MAD1L1: variants seen among roughly 807,000 people sequenced by gnomAD.
MAD1L1 encodes the protein mitotic spindle assembly checkpoint protein MAD1.
In MAD1L1, 95 loss-of-function variants were observed where a neutral mutation model predicts 96.9. The ratio of observed to expected loss-of-function variants is 0.98; its 90% CI spans 0.83 to 1.16. MAD1L1 has a LOEUF of 1.16. Ranked by LOEUF, MAD1L1 falls within the 50% of genes most tolerant of loss-of-function variation. The pLI, the probability that MAD1L1 is intolerant of heterozygous loss-of-function variation, is 0.00. For missense variants in MAD1L1, 1,007 were observed against 954.4 expected, an observed-to-expected ratio of 1.06 and a Z score of -0.73; for synonymous variants, 473 against 396.6, an observed-to-expected ratio of 1.19 and a Z score of -2.29.
intron 12 of MAD1L1, among the ~76,000 whole-genome samples, chr7:2,032,482 A>G (rs1462552092): frequency 1.3e-5 from 2 of 152,210 alleles, no homozygotes; most frequent in African/African-American, 2.4e-5. Flanking sequence ...GTGCACATCC[A>G]TGGCCAGGGG....
chr7:2,078,438 T>C (rs1378842361), intron 11 of MAD1L1, among the ~76,000 whole-genome samples: 1 of 152,150 alleles, frequency 6.6e-6, no homozygotes, highest in Admixed American at 6.5e-5. Flanking sequence ...GAGGTCCCAG[T>C]TCCTCCCCTG....
Position 2,088,517 on chromosome 7 carries a change from C to CA in MAD1L1, c.1074-19180dup, listed in dbSNP as rs1319674404. On this transcript the variant is annotated intron_variant, in intron 11 of 18. Coordinates refer to ENST00000265854, the MANE Select transcript of MAD1L1 (RefSeq NM_001013836.2). The surrounding 1 kb of genome is among the most constrained non-coding windows in gnomAD (Gnocchi z 4.4). ...GCCCCAGCCTCGAGTGCCACCATGA[C>CA]AGCTCTGGAGCTGCCACTGCACGTG... Among the ~76,000 whole-genome samples, 1 of 152,232 alleles carries CA rather than the reference C, an allele frequency of 6.6e-6. No individual in the cohort carries two copies. Among genetic ancestry groups the CA allele is most frequent in the Non-Finnish European group, 1.5e-5 (1 of 68,044 alleles).
At chr7:1,827,413 T>G (rs868004339) in intron 18 of MAD1L1, among the ~76,000 whole-genome samples, 37 of 144,834 alleles carry the variant, frequency 2.6e-4, no homozygotes, top group Admixed American at 8.2e-4. Context: ...AGGTGTGGGG[T>G]CCTCCCCTCC....
chr7:2,226,744 C>A (rs1195328658), intron 3 of MAD1L1, among the ~76,000 whole-genome samples: 1 of 152,130 alleles, frequency 6.6e-6, no homozygotes, highest in Non-Finnish European at 1.5e-5. Context: ...AATCCCAGTA[C>A]TTTGAGAGGC....
intron 11 of MAD1L1, among the ~76,000 whole-genome samples, chr7:2,141,362 C>G (rs1291193311): frequency 6.6e-6 from 1 of 152,268 alleles, no homozygotes; most frequent in Non-Finnish European, 1.5e-5. Context: ...GCTGGACCCC[C>G]TCTCAGGAGA....
intron 11 of MAD1L1, among the ~76,000 whole-genome samples, chr7:2,080,417 T>C (rs1311914447): frequency 6.6e-6 from 1 of 152,202 alleles, no homozygotes; most frequent in Non-Finnish European, 1.5e-5. Context: ...GGCGACTGCA[T>C]GTCCCCCACA....
At chr7:1,889,060 C>T (rs1294024677) in intron 18 of MAD1L1, among the ~76,000 whole-genome samples, 1 of 152,224 alleles carries the variant, frequency 6.6e-6, no homozygotes, top group Non-Finnish European at 1.5e-5. Flanking sequence ...CCCCAACGTG[C>T]CTGGCACTTG....
At chr7:2,163,408 CT>C (rs1318509131) in intron 10 of MAD1L1, among the ~76,000 whole-genome samples, 1 of 152,316 alleles carries the variant, frequency 6.6e-6, no homozygotes. Context: ...GAGTCTCACT[CT>C]GTCGCCCAGG....
intron 11 of MAD1L1, among the ~76,000 whole-genome samples, chr7:2,113,882 A>AGAGGCGGG (rs1214520153): frequency 6.6e-6 from 1 of 152,222 alleles, no homozygotes; most frequent in African/African-American, 2.4e-5. Flanking sequence ...GTGCTCTCGA[A>AGAGGCGGG]GAGGCGGGGT....
intron 15 of MAD1L1, among the ~76,000 whole-genome samples, chr7:1,962,421 T>C (rs1396436513): frequency 2.6e-5 from 4 of 152,142 alleles, no homozygotes; most frequent in Non-Finnish European, 4.4e-5. Flanking sequence ...TGGACTAATA[T>C]CCAAAGGATC....
chr7:2,050,047 AGCGTCTGCGGGC>A, intron 12 of MAD1L1, among the ~76,000 whole-genome samples: 2 of 141,896 alleles, frequency 1.4e-5, no homozygotes, highest in Admixed American at 7.2e-5. Flanking sequence ...CACCTCACCC[AGCGTCTGCGGGC>A]ACCAGACCAC....
intron 9 of MAD1L1, among the ~76,000 whole-genome samples, chr7:2,215,325 C>A (rs891910172): frequency 2.3e-4 from 35 of 149,286 alleles, no homozygotes; most frequent in African/African-American, 8.7e-4. Flanking sequence ...TTGCAGTGAG[C>A]CGAGATCGCA....
intron 18 of MAD1L1, among the ~76,000 whole-genome samples, chr7:1,886,500 G>A (rs775183064): frequency 5.9e-5 from 9 of 152,216 alleles, no homozygotes; most frequent in African/African-American, 1.2e-4. Flanking sequence ...GCATGGGCTC[G>A]GTGACAAGAA....
intron 11 of MAD1L1, among the ~76,000 whole-genome samples, chr7:2,074,055 T>C (rs923216348): frequency 2.6e-5 from 4 of 152,032 alleles, no homozygotes; most frequent in Admixed American, 2.0e-4. Flanking sequence ...CCAAGAACCA[T>C]GTCCGGGATG....
chr7:2,016,764 T>C (rs1282334387), intron 12 of MAD1L1, among the ~76,000 whole-genome samples: 1 of 152,252 alleles, frequency 6.6e-6, no homozygotes, highest in African/African-American at 2.4e-5. Context: ...AAATTCAAAA[T>C]TCAATAAGTG....
chr7:2,162,232 G>C (rs201995671), intron 10 of MAD1L1, among the ~76,000 whole-genome samples: 3 of 152,026 alleles, frequency 2.0e-5, no homozygotes, highest in Non-Finnish European at 4.4e-5. Context: ...ACTCCATTTT[G>C]TTCTGTACTA....
chr7:2,089,942 A>C (rs117272286), intron 11 of MAD1L1, among the ~76,000 whole-genome samples: 2 of 152,218 alleles, frequency 1.3e-5, no homozygotes, highest in Non-Finnish European at 2.9e-5. Context: ...CTGCAGAAGG[A>C]GCTCCGGCCA....
At chr7:2,130,691 C>T (rs972275811) in intron 11 of MAD1L1, among the ~76,000 whole-genome samples, 3 of 152,230 alleles carry the variant, frequency 2.0e-5, no homozygotes, top group Non-Finnish European at 4.4e-5. Flanking sequence ...ACTCTCTCTT[C>T]CTCTTAGCTC....
At chr7:1,870,176 T>C (rs1257372578) in intron 18 of MAD1L1, among the ~76,000 whole-genome samples, 1 of 152,050 alleles carries the variant, frequency 6.6e-6, no homozygotes, top group African/African-American at 2.4e-5. Context: ...ACATCCGGCC[T>C]AGTTGGTGCC....
Sources: allele counts gnomAD v4.1 joint callset (sites outside exome capture counted in the v4.1 genomes callset), GRCh38; gene constraint gnomAD v4.1.1; non-coding constraint Gnocchi (gnomAD v3.1); transcripts MANE v1.5; gene names NCBI Gene and HGNC (gene_info 2026-07-23, HGNC 2026-07-21).